CRTC1: variants seen among roughly 807,000 people sequenced by gnomAD.
CRTC1 encodes the protein CREB-regulated transcription coactivator 1.
A neutral mutation model predicts 66.1 loss-of-function variants in CRTC1; 18 were observed. The observed-to-expected ratio is 0.27, with a 90% CI of 0.19 to 0.40. CRTC1 has a LOEUF of 0.40. Ranked by LOEUF, CRTC1 falls within the 10% of genes least tolerant of loss-of-function variation. The pLI, the probability that CRTC1 is intolerant of heterozygous loss-of-function variation, is 1.00. For synonymous variants in CRTC1, 416 were observed against 398.8 expected (o/e 1.04, Z -0.51); for missense variants, 669 against 887.9 (o/e 0.75, Z 3.13).
intron 1 of CRTC1, among the ~76,000 whole-genome samples, chr19:18,704,123 T>A (rs1042816551): frequency 6.6e-6 from 1 of 152,180 alleles, no homozygotes; most frequent in African/African-American, 2.4e-5. Flanking sequence ...CTTTTTATAT[T>A]TTTTCTTTTT....
chr19:18,736,183 C>T (rs1238980912), intron 1 of CRTC1, among the ~76,000 whole-genome samples: 1 of 152,190 alleles, frequency 6.6e-6, no homozygotes, highest in African/African-American at 2.4e-5. Context: ...CCTGCGGCTG[C>T]TGGGACGCTT....
chr19:18,781,796 T>C lies in CRTC1; in HGVS notation c.*4414T>C. ...ATGATTCCAGAGCCTGTATCCACCT[T>C]CTGGGCTCCTGGCCAGCACCCCACC... On this transcript the variant is annotated 3_prime_UTR_variant, in exon 14 of 14. Transcript: ENST00000321949. The C allele has an allele frequency of 4.3e-6, 1 of 230,756 alleles. No homozygotes were observed. The allele number at this position is 230,756 out of a possible 1,614,324, so 14.3% of individuals were successfully genotyped here.
chr19:18,753,641 A>G, intron 6 of CRTC1, 56 bp downstream of exon 6: 1 of 1,366,126 alleles, frequency 7.3e-7, no homozygotes, highest in Non-Finnish European at 1.0e-6. Context: ...CTCAAGCATC[A>G]CCTGGGCAAA....
At chr19:18,691,775 G>A (rs2052845154) in intron 1 of CRTC1, among the ~76,000 whole-genome samples, 1 of 151,886 alleles carries the variant, frequency 6.6e-6, no homozygotes, top group Non-Finnish European at 1.5e-5. Context: ...GTGCAGTGGC[G>A]TGATCTCGGC....
chr19:18,719,708 G>A (rs2053580733), intron 1 of CRTC1, among the ~76,000 whole-genome samples: 1 of 152,286 alleles, frequency 6.6e-6, no homozygotes, highest in African/African-American at 2.4e-5. Flanking sequence ...CGCCTCGACC[G>A]GAGGTGGCTC....
chr19:18,758,117 C>A (rs1298500402), intron 6 of CRTC1, among the ~76,000 whole-genome samples: 1 of 151,478 alleles, frequency 6.6e-6, no homozygotes, highest in Non-Finnish European at 1.5e-5. Context: ...AATCCCAGCA[C>A]TTTGGGGGCC....
chr19:18,775,371 C>T (rs1486360109), intron 12 of CRTC1, among the ~76,000 whole-genome samples: 3 of 152,180 alleles, frequency 2.0e-5, no homozygotes, highest in East Asian at 1.9e-4. Flanking sequence ...AGGCCAGGAT[C>T]GGGGGCATCC....
chr19:18,774,315 G>C (rs2054935749), intron 11 of CRTC1, among the ~76,000 whole-genome samples: 1 of 152,224 alleles, frequency 6.6e-6, no homozygotes, highest in Non-Finnish European at 1.5e-5. Flanking sequence ...CCCTGCCTCT[G>C]AGAGCCCTGC....
chr19:18,721,195 GTT>G (rs35208922), intron 1 of CRTC1, among the ~76,000 whole-genome samples: 1 of 136,948 alleles, frequency 7.3e-6, no homozygotes, highest in South Asian at 2.3e-4. Flanking sequence ...TTCAACCTCT[GTT>G]TTTTTTTTTT....
chr19:18,735,753 C>T (rs759998706), intron 1 of CRTC1: 7 of 153,184 alleles, frequency 4.6e-5, no homozygotes, highest in South Asian at 2.1e-4. Context: ...TGCTGTTCCT[C>T]CTCCCCTGCA....
chr19:18,710,079 T>A (rs1417061374), intron 1 of CRTC1, among the ~76,000 whole-genome samples: 1 of 147,398 alleles, frequency 6.8e-6, no homozygotes, highest in African/African-American at 2.5e-5. Flanking sequence ...GGTCACTCTG[T>A]GACCCCAGGG....
chr19:18,720,926 T>C (rs1048026884), intron 1 of CRTC1, among the ~76,000 whole-genome samples: 1 of 152,192 alleles, frequency 6.6e-6, no homozygotes, highest in Admixed American at 6.5e-5. Context: ...CCTTTCCTGT[T>C]GGTGGCTGTA....
chr19:18,759,933 C>CACGCCAGCCCCCTGTCCCCG, intron 7 of CRTC1, 75 bp from the exon 8 acceptor site: 1 of 991,360 alleles, frequency 1.0e-6, no homozygotes, highest in Non-Finnish European at 1.4e-6. Flanking sequence ...CTGATTTTCT[C>CACGCCAGCCCCCTGTCCCCG]CCGCCAGCCC....
rs1313130105 is a variant in CRTC1, at chr19:18,743,009, A to G, written c.226A>G (p.Met76Val). The G allele has an allele frequency of 3.7e-6, 6 of 1,612,494 alleles. No individual in the cohort carries two copies. The highest frequency in any genetic ancestry group is 2.7e-5 in the African/African-American group (2 of 74,900). ...PNVNQIGSGT[M>V]DLPFQTPFQS... is the part of the protein sequence containing the mutation. ...CGTGAACCAGATCGGGAGTGGCACC[A>G]TGGACCTGCCCTTCCAGGTGAGTGC... Residue 76 changes from methionine to valine, a missense_variant, in exon 2 of 14, where the codon ATG (methionine) becomes GTG (valine). Transcript: ENST00000321949.
chr19:18,768,598 C>T lies in CRTC1; in HGVS notation c.1125C>T (p.Pro375=), dbSNP rs753440680. 1.1e-4 allele frequency: 164 copies of T among 1,541,414 alleles called. 1 individual carries two copies. The South Asian group carries it at 1.2e-3, about 11-fold the overall frequency. Residue 375 remains proline (P), a synonymous_variant, in exon 10 of 14, where the codon CCC becomes CCT. Transcript: ENST00000321949. This position sits in a 1 kb window ranked among gnomAD's most constrained non-coding sequence, Gnocchi z 5.6. The part of the protein sequence containing the change: ...PQPQPPPPPP[P]ASQQPPPPPP... ...CCCAGCCCCCGCCGCCTCCTCCACC[C>T]GCGTCCCAGCAGCCACCACCCCCGC...
At position 18,768,589 on chromosome 19, in the gene CRTC1, T is replaced by G. The variant is rs573441341; in HGVS notation, c.1116T>G (p.Pro372=). 2.4e-5 allele frequency: 37 copies of G among 1,518,158 alleles called. No individual in the cohort carries two copies. In the African/African-American group the frequency reaches 3.1e-4, roughly 13 times the overall value. The allele number at this position is 1,518,158 out of a possible 1,614,324, so 94.0% of individuals were successfully genotyped here. A position where few individuals can be genotyped will look rare whatever the true frequency, so the allele number is the denominator to read the frequency against. ...QPPPQPQPPP[P]PPPASQQPPP... ...CGCCGCAGCCCCAGCCCCCGCCGCC[T>G]CCTCCACCCGCGTCCCAGCAGCCAC... Residue 372 remains proline, a synonymous_variant, in exon 10 of 14, where the codon CCT becomes CCG. Transcript: ENST00000321949. This position sits in a 1 kb window ranked among gnomAD's most constrained non-coding sequence, Gnocchi z 5.6.
chr19:18,735,148 A>G (rs1337247946), intron 1 of CRTC1, among the ~76,000 whole-genome samples: 8 of 152,176 alleles, frequency 5.3e-5, no homozygotes, highest in East Asian at 1.9e-4. Flanking sequence ...GGGAAGTTCT[A>G]TGTCCACAAG....
chr19:18,697,101 G>C (rs925481898), intron 1 of CRTC1, among the ~76,000 whole-genome samples: 1 of 152,116 alleles, frequency 6.6e-6, no homozygotes, highest in Non-Finnish European at 1.5e-5. Context: ...AGCTGGATGG[G>C]GGTCCAGGTG....
chr19:18,696,129 G>A (rs2052982052), intron 1 of CRTC1, among the ~76,000 whole-genome samples: 1 of 152,208 alleles, frequency 6.6e-6, no homozygotes, highest in Non-Finnish European at 1.5e-5. Flanking sequence ...CAGGCCCGGA[G>A]AGCGAATGTC....
Sources: allele counts gnomAD v4.1 joint callset (sites outside exome capture counted in the v4.1 genomes callset), GRCh38; gene constraint gnomAD v4.1.1; non-coding constraint Gnocchi (gnomAD v3.1); transcripts MANE v1.5; gene names NCBI Gene and HGNC (gene_info 2026-07-23, HGNC 2026-07-21).